The following UTRN variants were observed in gnomAD, a reference collection of about 807,000 sequenced individuals.
UTRN encodes the protein utrophin.
A neutral mutation model predicts 463.9 loss-of-function variants in UTRN; 283 were observed. The ratio of observed to expected loss-of-function variants is 0.61; its 90% CI spans 0.55 to 0.67. The LOEUF is 0.67. UTRN is among the 30% of genes least tolerant of loss of function. The probability of loss-of-function intolerance (pLI) is 0.00; values close to 1 mark genes in which losing one functional copy is unlikely to be tolerated. For missense variants in UTRN, 3,922 were observed against 4,084.3 expected, an observed-to-expected ratio of 0.96 and a Z score of 1.08; for synonymous variants, 1,442 against 1,431.5, an observed-to-expected ratio of 1.01 and a Z score of -0.17.
intron 7 of UTRN, 41 bp downstream of exon 7, chr6:144,426,500 A>G (rs746775998): frequency 8.3e-6 from 13 of 1,564,678 alleles, no homozygotes; most frequent in Non-Finnish European, 1.1e-5. Flanking sequence ...TTACAAATTC[A>G]TGTCTCCTCT....
intron 46 of UTRN, 54 bp from the exon 47 acceptor site, chr6:144,548,586 A>G: frequency 1.3e-6 from 2 of 1,544,024 alleles, no homozygotes; most frequent in Non-Finnish European, 8.9e-7. Flanking sequence ...TGACACCACC[A>G]TAATTAAAAC....
chr6:144,416,877 G>A lies in UTRN; in HGVS notation c.142-5001G>A, dbSNP rs1271492174. Among the ~76,000 whole-genome samples the A allele has an allele frequency of 1.1e-4, 17 of 152,174 alleles. 1 individual carries two copies. The highest frequency in any genetic ancestry group is 1.0e-4 in the Non-Finnish European group (7 of 68,040). ...TTTCTGCAGGGCCAAGCACAAAGGA[G>A]GTATTCACTAAATATTTGTCCAAAT... On this transcript the variant is annotated intron_variant, in intron 3 of 74. Coordinates refer to ENST00000367545, the MANE Select transcript of UTRN (RefSeq NM_007124.3).
chr6:144,695,028 G>A (rs1057488076), intron 52 of UTRN, among the ~76,000 whole-genome samples: 1 of 150,502 alleles, frequency 6.6e-6, no homozygotes, highest in Non-Finnish European at 1.5e-5. Context: ...ATGCTACTTG[G>A]AGTATTTAAT....
chr6:144,586,322 G>T (rs1034880073), intron 51 of UTRN, among the ~76,000 whole-genome samples: 6 of 151,900 alleles, frequency 3.9e-5, no homozygotes, highest in African/African-American at 1.2e-4. Flanking sequence ...TTTCTTCTCG[G>T]TTATACATCC....
intron 51 of UTRN, among the ~76,000 whole-genome samples, chr6:144,666,066 T>C (rs7742257): frequency 0.025 from 3,833 of 152,202 alleles, 159 homozygotes; most frequent in African/African-American, 0.086. Context: ...GGCTTGCAGG[T>C]GACAGAGGTA....
At chr6:144,679,654 C>A (rs1016485752) in intron 52 of UTRN, among the ~76,000 whole-genome samples, 1 of 152,050 alleles carries the variant, frequency 6.6e-6, no homozygotes, top group Non-Finnish European at 1.5e-5. Flanking sequence ...GTAAATCCTG[C>A]CTAAGAAAGC....
At chr6:144,514,511 C>T (rs1018018577) in intron 36 of UTRN, 139 bp from the exon 37 acceptor site, 27 of 858,526 alleles carry the variant, frequency 3.1e-5, no homozygotes, top group Non-Finnish European at 3.6e-5. Flanking sequence ...GAACAGCTCT[C>T]ACCTGGTTGA....
chr6:144,403,026 T>C, intron 2 of UTRN, 97 bp from the exon 3 acceptor site: 1 of 1,141,482 alleles, frequency 8.8e-7, no homozygotes, highest in South Asian at 1.3e-5. Context: ...AATAGGACTA[T>C]TTTAAACTCT....
At chr6:144,756,628 C>G (rs902954742) in intron 57 of UTRN, among the ~76,000 whole-genome samples, 8 of 152,208 alleles carry the variant, frequency 5.3e-5, no homozygotes, top group African/African-American at 1.9e-4. Flanking sequence ...TAAAAACTGA[C>G]CTATTAGCCT....
intron 2 of UTRN, among the ~76,000 whole-genome samples, chr6:144,385,906 A>T (rs544559746): frequency 6.6e-6 from 1 of 152,166 alleles, no homozygotes; most frequent in African/African-American, 2.4e-5. Flanking sequence ...ACAAGGTTTC[A>T]TCATGTTGAC....
intron 69 of UTRN, among the ~76,000 whole-genome samples, chr6:144,834,560 G>T (rs902304666): frequency 1.7e-4 from 26 of 152,138 alleles, no homozygotes; most frequent in Non-Finnish European, 3.7e-4. Context: ...GTAAACTGCA[G>T]TAACACCAAG....
At chr6:144,344,108 A>C (rs1464806334) in intron 2 of UTRN, 2 of 1,158,530 alleles carry the variant, frequency 1.7e-6, no homozygotes, top group African/African-American at 1.6e-5. Flanking sequence ...AAAAAAAAAA[A>C]AACCCAAAAT....
At chr6:144,466,174 C>A (rs995041733) in intron 23 of UTRN, among the ~76,000 whole-genome samples, 19 of 152,230 alleles carry the variant, frequency 1.2e-4, no homozygotes, top group Non-Finnish European at 2.4e-4. Flanking sequence ...ACATTTAAAT[C>A]CATAGTCCAG....
intron 23 of UTRN, among the ~76,000 whole-genome samples, chr6:144,468,321 G>C (rs1243938689): frequency 6.6e-6 from 1 of 152,148 alleles, no homozygotes; most frequent in African/African-American, 2.4e-5. Context: ...GAAATGCTTA[G>C]AAATCATTGC....
At chr6:144,319,934 A>C (rs1775528107) in intron 2 of UTRN, among the ~76,000 whole-genome samples, 1 of 151,720 alleles carries the variant, frequency 6.6e-6, no homozygotes, top group African/African-American at 2.4e-5. Flanking sequence ...GCTCACCGCA[A>C]TGTCCGCCTC....
At chr6:144,823,727 C>G (rs1044035901) in intron 66 of UTRN, among the ~76,000 whole-genome samples, 1 of 151,954 alleles carries the variant, frequency 6.6e-6, no homozygotes, top group African/African-American at 2.4e-5. Flanking sequence ...TTAAAGAATA[C>G]TCCATTGAAA....
chr6:144,654,681 T>C (rs771614000), intron 51 of UTRN, among the ~76,000 whole-genome samples: 2 of 152,258 alleles, frequency 1.3e-5, no homozygotes, highest in Non-Finnish European at 2.9e-5. Flanking sequence ...AGTAGACATC[T>C]GGAATTTGAG....
intron 3 of UTRN, among the ~76,000 whole-genome samples, chr6:144,418,950 A>G (rs1784596262): frequency 6.6e-6 from 1 of 152,184 alleles, no homozygotes; most frequent in Non-Finnish European, 1.5e-5. Flanking sequence ...TGCCATCATC[A>G]GTATTTTCTA....
rs146795065 is a variant in UTRN at position 144,506,227 on chromosome 6, G to A, written c.4765-4717G>A. Among the ~76,000 whole-genome samples, 447 of 152,134 alleles carry A rather than the reference G, an allele frequency of 2.9e-3. 3 individuals carry two copies. Among genetic ancestry groups the A allele is most frequent in the Non-Finnish European group, 5.1e-3 (350 of 68,000 alleles). The stretch of plus-strand genomic sequence containing the variant: ...GGCTGTTTATCCAGTTTGCCAGTCT[G>A]TGTCTTTTAATTGGAGCATTTAGCC... On this transcript the variant is annotated intron_variant, in intron 34 of 74. Transcript: ENST00000367545.
Sources: gnomAD v4.1 joint callset for allele counts (sites outside exome capture counted in the v4.1 genomes callset) on GRCh38, gnomAD v4.1.1 for gene constraint, MANE v1.5 for transcripts, NCBI Gene and HGNC (gene_info 2026-07-23, HGNC 2026-07-21) for gene names.